The following FGF14 variants were observed in gnomAD, a reference collection of about 807,000 sequenced individuals.
FGF14 encodes the protein fibroblast growth factor 14, also known as fibroblast growth factor homologous factor 4.
In FGF14, 5 loss-of-function variants were observed where a neutral mutation model predicts 25.5. The observed-to-expected ratio is 0.20, with a 90% CI of 0.10 to 0.41. The LOEUF (loss-of-function observed/expected upper bound fraction) is 0.41. Ranked by LOEUF, FGF14 falls within the 10% of genes least tolerant of loss-of-function variation. The probability of loss-of-function intolerance (pLI) is 1.00; values close to 1 mark genes in which losing one functional copy is unlikely to be tolerated. For synonymous variants in FGF14, 138 were observed against 118.3 expected (o/e 1.17, Z -1.08); for missense variants, 222 against 320.1 (o/e 0.69, Z 2.34).
intron 1 of FGF14, among the ~76,000 whole-genome samples, chr13:101,895,057 C>A (rs975217715): frequency 6.6e-6 from 1 of 152,058 alleles, no homozygotes; most frequent in Non-Finnish European, 1.5e-5. Flanking sequence ...AAATTATTTG[C>A]TGAATATATC....
chr13:102,115,273 G>A (rs148166637), intron 1 of FGF14, among the ~76,000 whole-genome samples: 7 of 152,138 alleles, frequency 4.6e-5, no homozygotes, highest in East Asian at 1.9e-4. Flanking sequence ...TCCCTTCCCC[G>A]CTTGTCCCCA....
intron 3 of FGF14, among the ~76,000 whole-genome samples, chr13:101,808,774 G>T (rs1476556962): frequency 6.6e-6 from 1 of 152,022 alleles, no homozygotes; most frequent in Non-Finnish European, 1.5e-5. Flanking sequence ...AGCATATATT[G>T]AATGAGGTTG....
At chr13:102,386,486 A>T (rs1428511158) in intron 1 of FGF14, among the ~76,000 whole-genome samples, 1 of 152,202 alleles carries the variant, frequency 6.6e-6, no homozygotes, top group African/African-American at 2.4e-5. Flanking sequence ...AAGGATACAT[A>T]AAAAATGGTC....
At chr13:102,061,503 A>C (rs1400250329) in intron 1 of FGF14, among the ~76,000 whole-genome samples, 1 of 152,258 alleles carries the variant, frequency 6.6e-6, no homozygotes, top group African/African-American at 2.4e-5. Context: ...AAAGACAAAA[A>C]TAGTGGGTTT....
At chr13:102,216,468 T>C (rs779597380) in intron 1 of FGF14, among the ~76,000 whole-genome samples, 44 of 152,196 alleles carry the variant, frequency 2.9e-4, no homozygotes, top group Non-Finnish European at 5.6e-4. Flanking sequence ...GTATTCTAAG[T>C]AATGGAGATA....
chr13:102,254,187 T>C (rs905942793), intron 1 of FGF14, among the ~76,000 whole-genome samples: 31 of 152,200 alleles, frequency 2.0e-4, no homozygotes, highest in African/African-American at 7.2e-4. Context: ...AAATATAACA[T>C]GGATAGCAGC....
chr13:102,244,233 A>G (rs891719715), intron 1 of FGF14, among the ~76,000 whole-genome samples: 1 of 152,022 alleles, frequency 6.6e-6, no homozygotes, highest in African/African-American at 2.4e-5. Flanking sequence ...CTGGGTCTGA[A>G]TTATGCATTT....
intron 1 of FGF14, among the ~76,000 whole-genome samples, chr13:101,959,932 CAGTTAA>C (rs1361364117): frequency 6.6e-6 from 1 of 152,138 alleles, no homozygotes; most frequent in Admixed American, 6.6e-5. Flanking sequence ...TAAAACTGCT[CAGTTAA>C]AGTTGAAAAC....
chr13:102,141,481 T>C (rs2046641609), intron 1 of FGF14, among the ~76,000 whole-genome samples: 2 of 152,188 alleles, frequency 1.3e-5, no homozygotes, highest in Non-Finnish European at 2.9e-5. Flanking sequence ...AAAACAGATT[T>C]CAAGACGAGA....
intron 1 of FGF14, among the ~76,000 whole-genome samples, chr13:102,280,400 C>A (rs1273598701): frequency 6.6e-6 from 1 of 152,130 alleles, no homozygotes; most frequent in East Asian, 1.9e-4. Context: ...AAAAACTGCA[C>A]AACCAACTGA....
chr13:102,283,903 C>T (rs1045934035), intron 1 of FGF14, among the ~76,000 whole-genome samples: 2 of 152,096 alleles, frequency 1.3e-5, no homozygotes, highest in Non-Finnish European at 1.5e-5. Flanking sequence ...ATGCATACTG[C>T]AGTATTGTTG....
intron 1 of FGF14, among the ~76,000 whole-genome samples, chr13:102,202,182 C>A: frequency 6.6e-6 from 1 of 152,170 alleles, no homozygotes. Flanking sequence ...AAACCATGAG[C>A]CAGTTAAACC....
chr13:101,725,883 G>A (rs534967353), intron 4 of FGF14, among the ~76,000 whole-genome samples: 1 of 152,064 alleles, frequency 6.6e-6, no homozygotes, highest in Non-Finnish European at 1.5e-5. Context: ...TGAGAGAGGT[G>A]CAGATGTTGT....
At chr13:102,146,755 A>C (rs2046871852) in intron 1 of FGF14, among the ~76,000 whole-genome samples, 1 of 152,180 alleles carries the variant, frequency 6.6e-6, no homozygotes, top group Non-Finnish European at 1.5e-5. Context: ...AACCAAGAAA[A>C]AGCATGAGTT....
chr13:102,162,114 A>C (rs1341012372), intron 1 of FGF14, among the ~76,000 whole-genome samples: 1 of 152,110 alleles, frequency 6.6e-6, no homozygotes, highest in Non-Finnish European at 1.5e-5. Flanking sequence ...TGCTAAGAGG[A>C]GGGACTAGAA....
chr13:102,330,891 G>A (rs2056614965), intron 1 of FGF14, among the ~76,000 whole-genome samples: 1 of 152,114 alleles, frequency 6.6e-6, no homozygotes, highest in Admixed American at 6.6e-5. Context: ...TTTATTTTCT[G>A]CAATTTTTCT....
Position 102,241,295 on chromosome 13 carries a change from AC to A in FGF14, c.208+160175del, listed in dbSNP as rs2051587028. On this transcript the variant is annotated intron_variant, in intron 1 of 4. Transcript: ENST00000376131. Reference sequence around the variant, plus strand: ...ACATGCATGTATGAGAAAACTTATAACAAAAAAAGGAGCATAATTTCAAGTC... The same window carrying A: ...ACATGCATGTATGAGAAAACTTATAAAAAAAAAGGAGCATAATTTCAAGTC... Among the ~76,000 whole-genome samples, 3 of 152,222 alleles carry A rather than the reference AC, an allele frequency of 2.0e-5. No homozygotes were observed. The South Asian group carries it at 6.2e-4, about 32-fold the overall frequency.
At chr13:102,174,293 C>A (rs1367335578) in intron 1 of FGF14, among the ~76,000 whole-genome samples, 1 of 150,368 alleles carries the variant, frequency 6.7e-6, no homozygotes, top group East Asian at 2.0e-4. Flanking sequence ...TGCCAACATG[C>A]CCAGCTAGTT....
intron 1 of FGF14, among the ~76,000 whole-genome samples, chr13:102,324,337 A>G (rs1025073091): frequency 6.6e-6 from 1 of 152,066 alleles, no homozygotes; most frequent in African/African-American, 2.4e-5. Context: ...TGTTTCTACC[A>G]TTTACTAAGT....
Sources: gnomAD v4.1 joint callset for allele counts (sites outside exome capture counted in the v4.1 genomes callset) on GRCh38, gnomAD v4.1.1 for gene constraint, MANE v1.5 for transcripts, NCBI Gene and HGNC (gene_info 2026-07-23, HGNC 2026-07-21) for gene names.